Variants in FANCM observed in about 807,000 individuals in gnomAD.
FANCM encodes FA complementation group M.
Under a neutral mutation model 199.5 loss-of-function variants are expected in FANCM, and 140 were observed. That is an observed-to-expected ratio of 0.70 (90% CI 0.61 to 0.81). FANCM has a LOEUF of 0.81. Ranked by LOEUF, FANCM falls within the 30% of genes least tolerant of loss-of-function variation. The probability of loss-of-function intolerance (pLI) is 0.00; values close to 1 mark genes in which losing one functional copy is unlikely to be tolerated. For synonymous variants in FANCM, 840 were observed against 836.8 expected, an observed-to-expected ratio of 1.00 and a Z score of -0.07; for missense variants, 2,410 against 2,421.4, an observed-to-expected ratio of 1.00 and a Z score of 0.10.
intron 17 of FANCM, among the ~76,000 whole-genome samples, 170 bp from the exon 18 acceptor site, chr14:45,185,047 G>A (rs941392268): frequency 2.0e-5 from 3 of 151,774 alleles, no homozygotes; most frequent in Non-Finnish European, 4.4e-5. Flanking sequence ...CTCCCATAGT[G>A]CTGGGATTAC....
At chr14:45,166,837 G>C (rs1030871974) in intron 10 of FANCM, 113 bp from the exon 11 acceptor site, 4 of 697,492 alleles carry the variant, frequency 5.7e-6, no homozygotes, top group Non-Finnish European at 9.9e-6. Context: ...TATTTAAGTG[G>C]ATCGGGGTTT....
intron 3 of FANCM, among the ~76,000 whole-genome samples, chr14:45,148,198 AAAACACAC>A (rs1406905510): frequency 1.5e-5 from 2 of 129,248 alleles, no homozygotes; most frequent in Admixed American, 7.3e-5. Context: ...CACCGTCTCA[AAAACACAC>A]ACACACACAC....
rs1389707407 is a variant in FANCM at position 45,176,157 on chromosome 14, C to G, written c.3403C>G (p.Leu1135Val). 1 of 1,613,992 alleles carries G rather than the reference C, an allele frequency of 6.2e-7. No individual in the cohort carries two copies. The highest frequency in any genetic ancestry group is 8.5e-7 in the Non-Finnish European group (1 of 1,179,926). ...VLSTDQDESL[L>V]LFEDVNTEFD... is the part of the protein sequence containing the mutation. The stretch of plus-strand genomic sequence containing the variant: ...GTCCACTGATCAAGATGAAAGTTTG[C>G]TGTTATTTGAAGATGTTAATACAGA... Residue 1135 changes from leucine (L) to valine (V), a missense_variant, in exon 14 of 23, where the codon CTG (leucine) becomes GTG (valine). Leu to Val is a conservative substitution (Grantham distance 32, BLOSUM62 1). Coordinates refer to ENST00000267430, the MANE Select transcript of FANCM (RefSeq NM_020937.4).
intron 10 of FANCM, among the ~76,000 whole-genome samples, chr14:45,165,730 G>A (rs1268235462): frequency 6.6e-6 from 1 of 152,088 alleles, no homozygotes; most frequent in Non-Finnish European, 1.5e-5. Context: ...TCAGTGAGTG[G>A]AATTGGGTTC....
In FANCM at chr14:45,189,300, A is replaced by T. The variant is rs369128065; in HGVS notation, c.5278A>T (p.Thr1760Ser). 1 of 1,614,030 alleles carries T rather than the reference A, an allele frequency of 6.2e-7. No individual in the cohort carries two copies. Among genetic ancestry groups the T allele is most frequent in the South Asian group, 1.1e-5 (1 of 91,078 alleles). ...GAATCATAATGAAGTCCAGTCTACC[A>T]CACCACCCTTCACTACTGTTGATTC... ...PQNHNEVQST[T>S]PPFTTVDSQK... The change falls in exon 20 of 23, where the codon ACA becomes TCA. Residue 1760 changes from threonine to serine, a missense_variant. Thr to Ser is a moderately conservative substitution (Grantham distance 58). Coordinates refer to ENST00000267430, the MANE Select transcript of FANCM (RefSeq NM_020937.4).
intron 10 of FANCM, among the ~76,000 whole-genome samples, chr14:45,166,740 T>A (rs1056137068): frequency 2.7e-5 from 4 of 149,650 alleles, no homozygotes; most frequent in Non-Finnish European, 5.9e-5. Flanking sequence ...CACAGCACTG[T>A]ACTCCAGAGC....
chr14:45,138,118 A>G (rs1885653730), intron 2 of FANCM, among the ~76,000 whole-genome samples: 1 of 152,216 alleles, frequency 6.6e-6, no homozygotes, highest in South Asian at 2.1e-4. Flanking sequence ...AGCTGTAGAT[A>G]TTCATTAGGC....
At position 45,194,316 on chromosome 14, in the gene FANCM, C is replaced by CA. The variant is rs1168921903; in HGVS notation, c.5341-1847dup. 7.2e-3 allele frequency among the ~76,000 whole-genome samples: 1,055 copies of CA among 146,434 alleles called. 9 individuals are homozygous for CA. Among genetic ancestry groups the CA allele is most frequent in the African/African-American group, 0.024 (954 of 40,056 alleles). On this transcript the variant is annotated intron_variant, in intron 20 of 22. Coordinates refer to ENST00000267430, the MANE Select transcript of FANCM (RefSeq NM_020937.4). ...AAACTCCGTCTCAAAAAAAAAAAAA[C>CA]AAAAAAAAACCAAACAAATTCCAGT...
Position 45,175,302 on chromosome 14 carries a change from A to G in FANCM, c.2548A>G (p.Ile850Val), listed in dbSNP as rs2139242181. Reference sequence around the variant, plus strand: ...ACAAACTCATATCAAACCTACTAAAATTGTTTCTTTAAAGAAAAAAGTGTC... The same window carrying G: ...ACAAACTCATATCAAACCTACTAAAGTTGTTTCTTTAAAGAAAAAAGTGTC... ...VKQTHIKPTK[I>V]VSLKKKVSKE... is the part of the protein sequence containing the mutation. The change falls in exon 14 of 23, where the codon ATT becomes GTT. Residue 850 changes from isoleucine to valine, a missense_variant. Ile to Val is a conservative substitution (Grantham distance 29). Coordinates refer to ENST00000267430, the MANE Select transcript of FANCM (RefSeq NM_020937.4). The G allele has an allele frequency of 6.4e-7, 1 of 1,574,198 alleles. No individual in the cohort carries two copies. Among genetic ancestry groups the G allele is most frequent in the Non-Finnish European group, 8.6e-7 (1 of 1,163,938 alleles).
intron 8 of FANCM, among the ~76,000 whole-genome samples, chr14:45,158,867 A>G (rs1887377511): frequency 6.6e-6 from 1 of 152,048 alleles, no homozygotes; most frequent in Non-Finnish European, 1.5e-5. Context: ...GGGTCTTGCT[A>G]TGTTATGTTG....
chr14:45,187,747 T>A (rs1889495702), intron 18 of FANCM, 34 bp from the exon 19 acceptor site: 2 of 984,416 alleles, frequency 2.0e-6, no homozygotes, highest in South Asian at 2.7e-5. Context: ...TTAAATAATT[T>A]TGCTAATTTA....
intron 18 of FANCM, among the ~76,000 whole-genome samples, chr14:45,185,848 T>C (rs777744453): frequency 4.1e-4 from 62 of 152,218 alleles, no homozygotes; most frequent in Admixed American, 6.5e-4. Context: ...TTGGAGTAAC[T>C]GGGGTTGAGG....
intron 3 of FANCM, among the ~76,000 whole-genome samples, chr14:45,143,959 TG>T (rs1450633610): frequency 6.6e-6 from 1 of 152,160 alleles, no homozygotes; most frequent in Non-Finnish European, 1.5e-5. Flanking sequence ...CCCAAAGTGC[TG>T]GGATTACAGG....
At chr14:45,160,584 G>C (rs1887532071) in intron 9 of FANCM, among the ~76,000 whole-genome samples, 1 of 148,962 alleles carries the variant, frequency 6.7e-6, no homozygotes, top group African/African-American at 2.5e-5. Context: ...TCGCTCTGTT[G>C]CCGAGGCTGG....
intron 16 of FANCM, among the ~76,000 whole-genome samples, chr14:45,182,450 G>A (rs1889129949): frequency 6.6e-6 from 1 of 152,186 alleles, no homozygotes; most frequent in Non-Finnish European, 1.5e-5. Context: ...TCTGGTTTTT[G>A]GCTTGAGCTG....
Position 45,176,360 on chromosome 14 carries a change from A to G in FANCM, c.3606A>G (p.Lys1202=). The change falls in exon 14 of 23, where the codon AAA becomes AAG. Residue 1202 remains lysine, a synonymous_variant. Coordinates refer to ENST00000267430, the MANE Select transcript of FANCM (RefSeq NM_020937.4). The stretch of plus-strand genomic sequence containing the variant: ...TCACCCGTGATGCTAATAGTTTTAA[A>G]TCTCGTGATCAGAGAGGTGTACAGG... ...DQITRDANSF[K]SRDQRGVQEE... 1 of 1,613,436 alleles carries G rather than the reference A, an allele frequency of 6.2e-7. No individual in the cohort carries two copies. Among genetic ancestry groups the G allele is most frequent in the Admixed American group, 1.7e-5 (1 of 60,008 alleles).
chr14:45,172,996 ATTAG>A, intron 12 of FANCM, 55 bp from the exon 13 acceptor site: 2 of 1,318,788 alleles, frequency 1.5e-6, no homozygotes, highest in Non-Finnish European at 2.2e-6. Flanking sequence ...GTTTTTTAAA[ATTAG>A]TTTGTGAAAT....
intron 13 of FANCM, 122 bp from the exon 14 acceptor site, chr14:45,174,947 AAG>A (rs1301463233): frequency 2.4e-5 from 15 of 618,674 alleles, no homozygotes; most frequent in Middle Eastern, 4.2e-4. Flanking sequence ...TAAGGTATAA[AAG>A]AATATCACTG....
intron 8 of FANCM, among the ~76,000 whole-genome samples, chr14:45,157,030 ATAAG>A (rs1032467816): frequency 9.9e-5 from 15 of 151,994 alleles, no homozygotes; most frequent in African/African-American, 3.6e-4. Flanking sequence ...AAGAATAGAG[ATAAG>A]TATGTGAGGT....
Sources: allele counts gnomAD v4.1 joint callset (sites outside exome capture counted in the v4.1 genomes callset), GRCh38; gene constraint gnomAD v4.1.1; transcripts MANE v1.5; gene names NCBI Gene and HGNC (gene_info 2026-07-23, HGNC 2026-07-21).